Variants in PCDH15 observed in about 807,000 individuals in gnomAD.
PCDH15 encodes the protein protocadherin related 15, also known as protocadherin-15.
PCDH15 carries 129 observed loss-of-function variants against 178.5 expected under a neutral mutation model. The observed-to-expected ratio is 0.72, with a 90% CI of 0.63 to 0.84. PCDH15 has a LOEUF of 0.84. Ranked by LOEUF, PCDH15 falls within the 40% of genes least tolerant of loss-of-function variation. The pLI is 0.00. For synonymous variants in PCDH15, 800 were observed against 732.0 expected (o/e 1.09, Z -1.50); for missense variants, 2,230 against 2,099.9 (o/e 1.06, Z -1.21).
At chr10:54,482,624 A>G (rs1203646000) in intron 3 of PCDH15, among the ~76,000 whole-genome samples, 2 of 151,818 alleles carry the variant, frequency 1.3e-5, no homozygotes, top group Non-Finnish European at 2.9e-5. Context: ...CTTAGCAGGC[A>G]ATGGGAATGA....
At chr10:54,504,770 G>A (rs1490205517) in intron 3 of PCDH15, among the ~76,000 whole-genome samples, 1 of 151,904 alleles carries the variant, frequency 6.6e-6, no homozygotes, top group Non-Finnish European at 1.5e-5. Context: ...CATCTTAATA[G>A]GTACAGAGGA....
At chr10:54,882,330 G>C (rs1264017344) in intron 3 of PCDH15, among the ~76,000 whole-genome samples, 4 of 151,958 alleles carry the variant, frequency 2.6e-5, no homozygotes, top group Admixed American at 1.3e-4. Context: ...TAATATTAAA[G>C]GAGCCACTTT....
intron 2 of PCDH15, among the ~76,000 whole-genome samples, chr10:55,507,321 C>T (rs112897643): frequency 5.7e-4 from 86 of 151,480 alleles, no homozygotes; most frequent in Non-Finnish European, 1.1e-3. Context: ...CTGTCATCTA[C>T]ATCTGCATGA....
intron 3 of PCDH15, among the ~76,000 whole-genome samples, chr10:54,822,646 T>C (rs1186502305): frequency 6.6e-6 from 1 of 152,130 alleles, no homozygotes; most frequent in Non-Finnish European, 1.5e-5. Flanking sequence ...TTTGGATATA[T>C]ACCAAGCTTC....
chr10:55,070,682 T>C (rs921605773), intron 2 of PCDH15, among the ~76,000 whole-genome samples: 1 of 152,206 alleles, frequency 6.6e-6, no homozygotes, highest in Admixed American at 6.5e-5. Flanking sequence ...TACTGTAGCC[T>C]TGTAGTATAG....
chr10:54,584,162 G>GA (rs1245598670), intron 2 of PCDH15, among the ~76,000 whole-genome samples: 3 of 151,984 alleles, frequency 2.0e-5, no homozygotes, highest in African/African-American at 4.8e-5. Context: ...TGAGGAGAAT[G>GA]ACTTGAGCTC....
At chr10:53,841,961 A>G (rs1197605508) in intron 28 of PCDH15, among the ~76,000 whole-genome samples, 1 of 151,638 alleles carries the variant, frequency 6.6e-6, no homozygotes, top group Non-Finnish European at 1.5e-5. Context: ...AAAAAAAAAA[A>G]AAAACAACCC....
chr10:54,647,297 G>A (rs570286153), intron 2 of PCDH15, among the ~76,000 whole-genome samples: 1 of 152,160 alleles, frequency 6.6e-6, no homozygotes, highest in African/African-American at 2.4e-5. Context: ...CTAAAGTAGT[G>A]AAACTCACAG....
chr10:54,108,442 A>G (rs1324093752), intron 15 of PCDH15, among the ~76,000 whole-genome samples: 1 of 152,128 alleles, frequency 6.6e-6, no homozygotes, highest in African/African-American at 2.4e-5. Context: ...GAGTATATAA[A>G]CCAATCCTAT....
At position 54,422,694 on chromosome 10, in the gene PCDH15, A is replaced by G. The variant is rs576631356; in HGVS notation, c.158-43752T>C. 1.1e-4 allele frequency among the ~76,000 whole-genome samples: 17 copies of G among 152,254 alleles called. No individual in the cohort carries two copies. In the South Asian group the frequency reaches 3.3e-3, roughly 30 times the overall value. On this transcript the variant is annotated intron_variant, in intron 3 of 37. Coordinates refer to ENST00000644397, the MANE Select transcript of PCDH15 (RefSeq NM_001384140.1). Reference sequence around the variant, plus strand: ...GTAAAATTGTCCCGGCTTGAGAATCACAAATATAAAGTAACCACTCAAAGA... The same window carrying G: ...GTAAAATTGTCCCGGCTTGAGAATCGCAAATATAAAGTAACCACTCAAAGA...
intron 2 of PCDH15, among the ~76,000 whole-genome samples, chr10:54,654,467 T>C (rs2135257707): frequency 6.6e-6 from 1 of 152,290 alleles, no homozygotes; most frequent in East Asian, 1.9e-4. Flanking sequence ...ATAATGCTGT[T>C]TGCTGAAATG....
intron 2 of PCDH15, among the ~76,000 whole-genome samples, chr10:54,979,145 T>TC (rs1349547795): frequency 6.6e-6 from 1 of 152,134 alleles, no homozygotes; most frequent in Non-Finnish European, 1.5e-5. Flanking sequence ...AAGCTAATAC[T>TC]CTCAAGCAAG....
intron 3 of PCDH15, among the ~76,000 whole-genome samples, chr10:54,892,258 C>T (rs1954476726): frequency 6.6e-6 from 1 of 152,040 alleles, no homozygotes; most frequent in Admixed American, 6.6e-5. Context: ...CTGTTGTAGG[C>T]TGGATTAGTT....
At chr10:54,709,262 A>AT (rs142559518) in intron 1 of PCDH15, among the ~76,000 whole-genome samples, 18,399 of 151,880 alleles carry the variant, frequency 0.12, 1,228 homozygotes, top group African/African-American at 0.17. Flanking sequence ...ATAGAAACAG[A>AT]ATTTTATACG....
At chr10:53,885,703 G>T (rs976522693) in intron 26 of PCDH15, among the ~76,000 whole-genome samples, 5 of 151,988 alleles carry the variant, frequency 3.3e-5, no homozygotes, top group African/African-American at 9.7e-5. Context: ...TTTTAATCTG[G>T]TCAGTATTCA....
At position 53,822,208 on chromosome 10, in the gene PCDH15, A is replaced by G. The variant is rs756796609; in HGVS notation, c.4368-1978T>C. On this transcript the variant is annotated intron_variant, in intron 32 of 37. Transcript: ENST00000644397. ...CATTTAACACCTGTTATACAGACAC[A>G]CTCTGTGGACAGAAATGAAGCTGAA... is the stretch of plus-strand genomic sequence containing the variant. The G allele has an allele frequency of 2.3e-5, 37 of 1,613,832 alleles. No individual in the cohort carries two copies. In the South Asian group the frequency reaches 4.0e-4, roughly 17 times the overall value.
At chr10:54,779,481 T>TATATATATATATATATACACAC (rs767477106) in intron 1 of PCDH15, among the ~76,000 whole-genome samples, 7 of 74,240 alleles carry the variant, frequency 9.4e-5, no homozygotes, top group African/African-American at 1.7e-4. Flanking sequence ...TATACACACA[T>TATATATATATATATATACACAC]ATATATGTAT....
chr10:55,038,951 A>G (rs1840802025), intron 2 of PCDH15, among the ~76,000 whole-genome samples: 2 of 152,162 alleles, frequency 1.3e-5, no homozygotes, highest in Non-Finnish European at 2.9e-5. Flanking sequence ...CTTAACCACT[A>G]TATAGTCGTC....
chr10:54,107,407 T>C (rs2094934998), intron 15 of PCDH15, among the ~76,000 whole-genome samples: 1 of 152,200 alleles, frequency 6.6e-6, no homozygotes, highest in Non-Finnish European at 1.5e-5. Context: ...ATTGCGGGTA[T>C]GGGCTGTGGT....
Sources: gnomAD v4.1 joint callset for allele counts (sites outside exome capture counted in the v4.1 genomes callset) on GRCh38, gnomAD v4.1.1 for gene constraint, MANE v1.5 for transcripts, NCBI Gene and HGNC (gene_info 2026-07-23, HGNC 2026-07-21) for gene names.